The following CDH23 variants were observed in gnomAD, a reference collection of about 807,000 sequenced individuals.
CDH23 encodes the protein cadherin-23.
Under a neutral mutation model 317.1 loss-of-function variants are expected in CDH23, and 189 were observed. The ratio of observed to expected loss-of-function variants is 0.60; its 90% CI spans 0.53 to 0.67. CDH23 has a LOEUF of 0.67. CDH23 is among the 30% of genes least tolerant of loss of function. The pLI is 0.00. For missense variants in CDH23, 4,401 were observed against 4,592.4 expected (o/e 0.96, Z 1.20); for synonymous variants, 1,839 against 1,876.8 (o/e 0.98, Z 0.52).
chr10:71,503,451 A>T (rs1364054783), intron 3 of CDH23, among the ~76,000 whole-genome samples: 4 of 152,206 alleles, frequency 2.6e-5, no homozygotes, highest in Non-Finnish European at 5.9e-5. Flanking sequence ...GACCTTCATG[A>T]CTTTGGGGGG....
At chr10:71,420,745 G>A (rs1433081940) in intron 1 of CDH23, among the ~76,000 whole-genome samples, 1 of 152,196 alleles carries the variant, frequency 6.6e-6, no homozygotes, top group African/African-American at 2.4e-5. Context: ...TAAGAGATTA[G>A]GGAAACTGAG....
chr10:71,815,270 GAGCTGTGACTAGAC>G lies in CDH23; in HGVS notation c.10060_*8del, dbSNP rs758970997. On this transcript the variant is annotated stop_lost and 3_prime_UTR_variant, in exon 70 of 70. Coordinates refer to ENST00000224721, the MANE Select transcript of CDH23 (RefSeq NM_022124.6). ...CATGGAGACCCCCCTGGAGATCACA[GAGCTGTGACTAGAC>G]AGGGAAGCCTTGTGGGTGTGAGCAG... 1 of 1,567,396 alleles carries G rather than the reference GAGCTGTGACTAGAC, an allele frequency of 6.4e-7. No individual in the cohort carries two copies. The highest frequency in any genetic ancestry group is 8.7e-7 in the Non-Finnish European group (1 of 1,151,994).
At chr10:71,399,779 A>C (rs1157763316) in intron 1 of CDH23, among the ~76,000 whole-genome samples, 1 of 152,096 alleles carries the variant, frequency 6.6e-6, no homozygotes, top group African/African-American at 2.4e-5. Flanking sequence ...CTGTCTCTAA[A>C]GAAAACCAAC....
intron 38 of CDH23, among the ~76,000 whole-genome samples, chr10:71,767,798 A>T (rs1327303381): frequency 3.3e-5 from 5 of 152,206 alleles, no homozygotes; most frequent in Admixed American, 3.3e-4. Flanking sequence ...GTGTCCATTC[A>T]CATCAGACCA....
At chr10:71,771,201 C>A (rs1004062048) in intron 38 of CDH23, among the ~76,000 whole-genome samples, 1 of 152,126 alleles carries the variant, frequency 6.6e-6, no homozygotes, top group Non-Finnish European at 1.5e-5. Context: ...GCTCTGCTAC[C>A]CTTGAGATCT....
In CDH23 at chr10:71,807,650, C is replaced by T. The variant is rs768583951; in HGVS notation, c.8443C>T (p.Arg2815Cys). Residue 2815 changes from arginine (R) to cysteine (C), a missense_variant, in exon 59 of 70, where the codon CGT becomes TGT. Physicochemically the swap from Arg to Cys is radical, Grantham distance 180 (BLOSUM62 -3). Around this residue, in one of 3 missense-constraint regions of CDH23, gnomAD observed 1,144 missense variants for 1,138.2 expected, o/e 1.01. Transcript: ENST00000224721. ...ASSNRSWTPP[R>C]GPSPTLDLVA... is the part of the protein sequence containing the mutation. ...CAGCAATCGCAGCTGGACACCTCCC[C>T]GTGGACCCTCCCCAACCCTCGACCT... 3 of 1,613,860 alleles carry T rather than the reference C, an allele frequency of 1.9e-6. No individual in the cohort carries two copies. Among genetic ancestry groups the T allele is most frequent in the Non-Finnish European group, 2.5e-6 (3 of 1,179,882 alleles).
At chr10:71,723,225 A>C (rs1564758089) in intron 28 of CDH23, among the ~76,000 whole-genome samples, 1 of 152,164 alleles carries the variant, frequency 6.6e-6, no homozygotes. Flanking sequence ...CTCTTCCTGC[A>C]CTGCCCTGGG....
chr10:71,537,667 A>T (rs1855773761), intron 6 of CDH23, among the ~76,000 whole-genome samples: 1 of 152,170 alleles, frequency 6.6e-6, no homozygotes, highest in African/African-American at 2.4e-5. Context: ...CCATCAGTCC[A>T]TCCCAAAAAA....
chr10:71,694,857 T>C (rs546135165), intron 21 of CDH23, among the ~76,000 whole-genome samples: 1 of 152,224 alleles, frequency 6.6e-6, no homozygotes, highest in South Asian at 2.1e-4. Context: ...TGGCTCACCC[T>C]CAAAACTGTG....
At chr10:71,465,119 A>T (rs1204777321) in intron 3 of CDH23, among the ~76,000 whole-genome samples, 1 of 152,384 alleles carries the variant, frequency 6.6e-6, no homozygotes, top group South Asian at 2.1e-4. Flanking sequence ...TTACAATTAA[A>T]TAACGTAGAG....
chr10:71,657,382 C>A (rs529445179), intron 14 of CDH23, among the ~76,000 whole-genome samples: 1 of 152,232 alleles, frequency 6.6e-6, no homozygotes, highest in Non-Finnish European at 1.5e-5. Flanking sequence ...GCTCCAAAAG[C>A]GTACCAATGC....
chr10:71,637,080 A>T (rs10465974), intron 11 of CDH23, among the ~76,000 whole-genome samples: 1 of 152,196 alleles, frequency 6.6e-6, no homozygotes, highest in African/African-American at 2.4e-5. Flanking sequence ...GGAGAGGCCT[A>T]CCTCCTGCCG....
At chr10:71,662,235 T>C (rs887847348) in intron 14 of CDH23, among the ~76,000 whole-genome samples, 1 of 151,982 alleles carries the variant, frequency 6.6e-6, no homozygotes, top group African/African-American at 2.4e-5. Context: ...AACATGAGAA[T>C]GTGGAATCAA....
intron 38 of CDH23, among the ~76,000 whole-genome samples, chr10:71,756,489 G>A (rs1486583898): frequency 6.6e-6 from 1 of 152,204 alleles, no homozygotes. Flanking sequence ...GGCTCACTCA[G>A]CAAGGAAATC....
In CDH23 at chr10:71,791,136, G is replaced by C; in HGVS notation, c.6054G>C (p.Val2018=). ...GCTGGCGGCACCGGGTGCCAGGTGT[G>C]GTGACCGTGAGGTCAGGTGTCATCA... is the stretch of plus-strand genomic sequence containing the variant. The part of the protein sequence containing the change: ...GLFDINSSTG[V]VTVRSGVIID... The change falls in exon 47 of 70, where the codon GTG becomes GTC. Residue 2018 remains valine, a synonymous_variant. Transcript: ENST00000224721. 6.2e-7 allele frequency: 1 copy of C among 1,605,806 alleles called. No homozygotes were observed. The highest frequency in any genetic ancestry group is 1.3e-5 in the African/African-American group (1 of 74,908).
intron 27 of CDH23, chr10:71,711,822 G>A (rs1227552927): frequency 6.6e-6 from 1 of 152,106 alleles, no homozygotes. Context: ...CTGGAGTGGA[G>A]GACAGCTGCC....
chr10:71,661,424 G>C (rs1863645394), intron 14 of CDH23, among the ~76,000 whole-genome samples: 1 of 152,134 alleles, frequency 6.6e-6, no homozygotes, highest in African/African-American at 2.4e-5. Context: ...CCCTGGACCA[G>C]CCCCTTTTCT....
At chr10:71,623,587 G>A (rs1861569453) in intron 11 of CDH23, among the ~76,000 whole-genome samples, 1 of 152,188 alleles carries the variant, frequency 6.6e-6, no homozygotes, top group Non-Finnish European at 1.5e-5. Flanking sequence ...GTGCAGGGTG[G>A]AAGCAGTGAA....
At chr10:71,436,258 A>T (rs779172472) in intron 1 of CDH23, among the ~76,000 whole-genome samples, 14 of 152,212 alleles carry the variant, frequency 9.2e-5, no homozygotes, top group Non-Finnish European at 1.9e-4. Flanking sequence ...AGGCAGTCTG[A>T]TCGCCTCCGA....
Sources: gnomAD v4.1 joint callset for allele counts (sites outside exome capture counted in the v4.1 genomes callset) on GRCh38, gnomAD v4.1.1 for gene constraint, gnomAD v4.1.1 regional missense constraint, MANE v1.5 for transcripts, NCBI Gene and HGNC (gene_info 2026-07-23, HGNC 2026-07-21) for gene names.